Variants in RANBP2 observed in about 807,000 individuals in gnomAD.
RANBP2 encodes E3 SUMO-protein ligase RanBP2.
A neutral mutation model predicts 303.6 loss-of-function variants in RANBP2; 57 were observed. The observed-to-expected ratio is 0.19, with a 90% CI of 0.15 to 0.23. The LOEUF (loss-of-function observed/expected upper bound fraction) is 0.23, where lower values mean the gene tolerates loss of function less well. Ranked by LOEUF, RANBP2 falls within the 10% of genes least tolerant of loss-of-function variation. The pLI is 1.00. For synonymous variants in RANBP2, 1,167 were observed against 1,301.5 expected, an observed-to-expected ratio of 0.90 and a Z score of 2.23; for missense variants, 3,138 against 3,780.8, an observed-to-expected ratio of 0.83 and a Z score of 4.46.
chr2:109,220,848 GTTTGAACATGCAATTACTGTATAA>G, the RANBP2 span, among the ~76,000 whole-genome samples: 1 of 152,214 alleles, frequency 6.6e-6, no homozygotes. Flanking sequence ...TGTGAAAGGA[GTTTGAACATGCAATTACTGTATAA>G]TTTGAACACA....
At chr2:109,108,051 G>A in the RANBP2 span, among the ~76,000 whole-genome samples, 13 of 152,322 alleles carry the variant, frequency 8.5e-5, no homozygotes, top group Middle Eastern at 6.8e-3. Flanking sequence ...GACTACAGGC[G>A]CCTGCCACCA....
At chr2:109,558,194 G>A in the RANBP2 span, among the ~76,000 whole-genome samples, 2 of 152,200 alleles carry the variant, frequency 1.3e-5, no homozygotes, top group Non-Finnish European at 2.9e-5. Flanking sequence ...AGATGCTCAT[G>A]TCATCAAGAA....
At chr2:108,990,452 AAAAAAAT>A in the RANBP2 span, among the ~76,000 whole-genome samples, 3 of 150,962 alleles carry the variant, frequency 2.0e-5, no homozygotes, top group African/African-American at 7.3e-5. Flanking sequence ...AAAAAAAAAA[AAAAAAAT>A]ATACAAAAAT....
chr2:109,594,422 C>T, the RANBP2 span, among the ~76,000 whole-genome samples: 1 of 152,090 alleles, frequency 6.6e-6, no homozygotes, highest in East Asian at 1.9e-4. Context: ...CTAAGCAGGC[C>T]TCCTTTGTTT....
the RANBP2 span, among the ~76,000 whole-genome samples, chr2:109,661,998 G>T: frequency 2.6e-5 from 4 of 152,140 alleles, no homozygotes; most frequent in African/African-American, 9.7e-5. Context: ...GATCATAATT[G>T]GTTGAAGGCC....
chr2:109,612,223 G>A, the RANBP2 span, among the ~76,000 whole-genome samples: 1 of 152,176 alleles, frequency 6.6e-6, no homozygotes, highest in Admixed American at 6.5e-5. Context: ...GTTACTAACT[G>A]GGTGATTCCA....
At chr2:109,393,005 C>T in the RANBP2 span, among the ~76,000 whole-genome samples, 2 of 152,318 alleles carry the variant, frequency 1.3e-5, no homozygotes, top group Admixed American at 1.3e-4. Context: ...TGAAGAATGA[C>T]GTGTTTTACA....
the RANBP2 span, among the ~76,000 whole-genome samples, chr2:108,927,105 A>G: frequency 6.6e-6 from 1 of 152,190 alleles, no homozygotes; most frequent in Non-Finnish European, 1.5e-5. Flanking sequence ...GACACAGCAC[A>G]TCATGGAGCC....
the RANBP2 span, among the ~76,000 whole-genome samples, chr2:109,195,406 C>T: frequency 6.6e-5 from 10 of 152,240 alleles, no homozygotes; most frequent in African/African-American, 2.4e-4. Context: ...AGGCCCTGGC[C>T]TGCGGACACC....
chr2:108,953,162 T>C, the RANBP2 span, among the ~76,000 whole-genome samples: 2 of 152,246 alleles, frequency 1.3e-5, no homozygotes, highest in Non-Finnish European at 2.9e-5. Context: ...TTGGAGTCTC[T>C]ATTGAAAGCT....
At chr2:109,522,783 C>T in the RANBP2 span, among the ~76,000 whole-genome samples, 1 of 152,198 alleles carries the variant, frequency 6.6e-6, no homozygotes. Context: ...TAGGAACCAT[C>T]GCTATCTTCA....
At chr2:109,388,028 G>A in the RANBP2 span, among the ~76,000 whole-genome samples, 2 of 152,122 alleles carry the variant, frequency 1.3e-5, no homozygotes, top group African/African-American at 4.8e-5. Context: ...TGTCCATCCT[G>A]ACTCCTGTTC....
the RANBP2 span, among the ~76,000 whole-genome samples, chr2:109,583,208 C>T: frequency 2.6e-5 from 4 of 152,136 alleles, no homozygotes; most frequent in South Asian, 2.1e-4. Flanking sequence ...GCAAAACAAA[C>T]CATCATCAGA....
At chr2:109,735,707 A>G in the RANBP2 span, among the ~76,000 whole-genome samples, 1 of 152,186 alleles carries the variant, frequency 6.6e-6, no homozygotes, top group African/African-American at 2.4e-5. Context: ...TACTTACTAC[A>G]TGAGAAAATC....
At chr2:109,576,410 TA>T in the RANBP2 span, among the ~76,000 whole-genome samples, 3 of 152,058 alleles carry the variant, frequency 2.0e-5, no homozygotes, top group Non-Finnish European at 4.4e-5. Flanking sequence ...CAAAAAATGA[TA>T]TTTTTTTTAA....
the RANBP2 span, among the ~76,000 whole-genome samples, chr2:109,301,908 C>A: frequency 6.7e-3 from 1,022 of 152,306 alleles, 16 homozygotes; most frequent in African/African-American, 0.024. Flanking sequence ...GTAGCTTCCC[C>A]GGTGCGGGAC....
chr2:108,760,798 T>C (rs1291476993), intron 18 of RANBP2, among the ~76,000 whole-genome samples: 3 of 152,258 alleles, frequency 2.0e-5, no homozygotes, highest in South Asian at 4.1e-4. Flanking sequence ...AATGTTAATG[T>C]GATTTTTTTA....
At chr2:108,805,459 C>T in the RANBP2 span, among the ~76,000 whole-genome samples, 1 of 152,272 alleles carries the variant, frequency 6.6e-6, no homozygotes, top group East Asian at 1.9e-4. Flanking sequence ...GGCGCGGTGG[C>T]TCACGCCTGT....
chr2:109,153,045 A>G, the RANBP2 span, among the ~76,000 whole-genome samples: 1 of 152,214 alleles, frequency 6.6e-6, no homozygotes, highest in Non-Finnish European at 1.5e-5. Context: ...GACCCAGTCT[A>G]CAGACAAGGG....
Sources: allele counts gnomAD v4.1 joint callset (sites outside exome capture counted in the v4.1 genomes callset), GRCh38; gene constraint gnomAD v4.1.1; transcripts MANE v1.5; gene names NCBI Gene and HGNC (gene_info 2026-07-23, HGNC 2026-07-21).